RDX: variants seen among roughly 807,000 people sequenced by gnomAD.
RDX encodes the protein deafness, autosomal recessive 24.
RDX carries 32 observed loss-of-function variants against 83.7 expected under a neutral mutation model. The ratio of observed to expected loss-of-function variants is 0.38; its 90% CI spans 0.29 to 0.51. RDX has a LOEUF of 0.51. RDX is among the 20% of genes least tolerant of loss of function. RDX has a pLI of 0.87. For synonymous variants in RDX, 229 were observed against 222.7 expected (o/e 1.03, Z -0.25); for missense variants, 600 against 689.9 (o/e 0.87, Z 1.46).
intron 14 of RDX, among the ~76,000 whole-genome samples, chr11:110,203,648 T>C (rs1863496296): frequency 6.6e-6 from 1 of 152,000 alleles, no homozygotes; most frequent in Non-Finnish European, 1.5e-5. Context: ...CATAAATATA[T>C]ACTTATGTGC....
At chr11:110,275,463 T>C (rs909983771) in intron 2 of RDX, among the ~76,000 whole-genome samples, 1 of 152,216 alleles carries the variant, frequency 6.6e-6, no homozygotes, top group African/African-American at 2.4e-5. Flanking sequence ...TGCTGTTTTA[T>C]AACACTAAAT....
intron 1 of RDX, among the ~76,000 whole-genome samples, chr11:110,287,458 T>C (rs955610900): frequency 6.6e-6 from 1 of 152,224 alleles, no homozygotes; most frequent in Non-Finnish European, 1.5e-5. Context: ...ATGTAACTTT[T>C]TCCCCATTCA....
intron 1 of RDX, among the ~76,000 whole-genome samples, chr11:110,289,975 A>AAAAAAAAC (rs1861162474): frequency 6.7e-6 from 1 of 148,608 alleles, no homozygotes; most frequent in African/African-American, 2.5e-5. Context: ...AAAAAAAAAA[A>AAAAAAAAC]AAAAAAACAA....
intron 5 of RDX, among the ~76,000 whole-genome samples, chr11:110,260,174 C>T (rs982834570): frequency 6.6e-6 from 1 of 151,834 alleles, no homozygotes; most frequent in African/African-American, 2.4e-5. Flanking sequence ...TTAGTAGAGA[C>T]GGGGTTTCTC....
intron 7 of RDX, among the ~76,000 whole-genome samples, chr11:110,255,959 A>G (rs1335492034): frequency 3.3e-5 from 5 of 152,198 alleles, no homozygotes; most frequent in Non-Finnish European, 7.4e-5. Flanking sequence ...ACTCACATAC[A>G]TAAATATTTG....
At chr11:110,233,173 T>G (rs1864707029) in intron 13 of RDX, 64 bp downstream of exon 13, 1 of 1,596,360 alleles carries the variant, frequency 6.3e-7, no homozygotes, top group Non-Finnish European at 8.6e-7. Flanking sequence ...TAACTAAGTT[T>G]GTCTAAGATG....
chr11:110,203,845 A>G (rs986326953), intron 14 of RDX, among the ~76,000 whole-genome samples: 2 of 152,122 alleles, frequency 1.3e-5, no homozygotes, highest in South Asian at 2.1e-4. Flanking sequence ...AAAAATATGT[A>G]TATGTATGTA....
At chr11:110,234,712 G>GT (rs1019086657) in intron 12 of RDX, among the ~76,000 whole-genome samples, 2 of 152,100 alleles carry the variant, frequency 1.3e-5, no homozygotes, top group Admixed American at 6.6e-5. Flanking sequence ...AACAAGTAGA[G>GT]TAACTGGGAA....
intron 2 of RDX, among the ~76,000 whole-genome samples, chr11:110,278,062 G>C (rs574434707): frequency 1.2e-4 from 18 of 152,234 alleles, no homozygotes; most frequent in African/African-American, 4.1e-4. Context: ...TAGTTCTCCA[G>C]TAAATTGTGT....
intron 10 of RDX, among the ~76,000 whole-genome samples, chr11:110,246,835 T>C (rs1441546837): frequency 6.6e-6 from 1 of 152,192 alleles, no homozygotes; most frequent in Non-Finnish European, 1.5e-5. Context: ...TCGGAATATT[T>C]CTGTTCCCAA....
chr11:110,219,113 T>A (rs1864158345), intron 14 of RDX, among the ~76,000 whole-genome samples: 1 of 152,156 alleles, frequency 6.6e-6, no homozygotes, highest in African/African-American at 2.4e-5. Flanking sequence ...GGTACAATTT[T>A]AAATAGGGTT....
intron 10 of RDX, among the ~76,000 whole-genome samples, chr11:110,239,327 G>A (rs1363184048): frequency 6.6e-6 from 1 of 151,804 alleles, no homozygotes; most frequent in Non-Finnish European, 1.5e-5. Flanking sequence ...CAGGCAAAGA[G>A]AGATAATGGG....
intron 14 of RDX, among the ~76,000 whole-genome samples, chr11:110,224,150 G>C (rs536093958): frequency 1.3e-4 from 19 of 151,664 alleles, no homozygotes; most frequent in Non-Finnish European, 2.1e-4. Flanking sequence ...TTATGTTTTG[G>C]TGAACATAAT....
At chr11:110,286,270 C>T (rs1254245255) in intron 1 of RDX, among the ~76,000 whole-genome samples, 2 of 152,204 alleles carry the variant, frequency 1.3e-5, no homozygotes, top group African/African-American at 2.4e-5. Context: ...CCCAGCAAGT[C>T]GTCTGGAGAG....
chr11:110,287,807 G>C (rs1405372845), intron 1 of RDX, among the ~76,000 whole-genome samples: 2 of 152,132 alleles, frequency 1.3e-5, no homozygotes, highest in Non-Finnish European at 2.9e-5. Context: ...TTCTAAAAAA[G>C]AAATTAAGAT....
intron 10 of RDX, among the ~76,000 whole-genome samples, chr11:110,244,045 C>A (rs1865204161): frequency 1.3e-5 from 2 of 152,040 alleles, no homozygotes; most frequent in Non-Finnish European, 2.9e-5. Context: ...CAACAAAAAC[C>A]TACACAATGA....
intron 13 of RDX, among the ~76,000 whole-genome samples, chr11:110,232,563 G>C (rs1055268917): frequency 6.0e-5 from 9 of 149,088 alleles, no homozygotes; most frequent in African/African-American, 2.2e-4. Flanking sequence ...AAATAATTAA[G>C]ATTATGTAAT....
chr11:110,227,965 T>C (rs1864487322), downstream of RDX, among the ~76,000 whole-genome samples: 1 of 152,104 alleles, frequency 6.6e-6, no homozygotes, highest in Non-Finnish European at 1.5e-5. Flanking sequence ...GAAATCAAAG[T>C]ATTGATGAAA....
chr11:110,283,994 A>G (rs1041796155), intron 1 of RDX, among the ~76,000 whole-genome samples: 1 of 152,170 alleles, frequency 6.6e-6, no homozygotes, highest in African/African-American at 2.4e-5. Context: ...CACCAACAAA[A>G]CTTACGTTAA....
Sources: gnomAD v4.1 joint callset for allele counts (sites outside exome capture counted in the v4.1 genomes callset) on GRCh38, gnomAD v4.1.1 for gene constraint, MANE v1.5 for transcripts, NCBI Gene and HGNC (gene_info 2026-07-23, HGNC 2026-07-21) for gene names.